Variants in SLCO3A1 observed in about 807,000 individuals in gnomAD.
The protein encoded by SLCO3A1 is PGE1 transporter.
SLCO3A1 carries 27 observed loss-of-function variants against 63.1 expected under a neutral mutation model. The observed-to-expected ratio is 0.43, with a 90% CI of 0.32 to 0.59. SLCO3A1 has a LOEUF of 0.59. Among genes scored for constraint, SLCO3A1 ranks in the 20% least tolerant of loss-of-function variants. The pLI, the probability that SLCO3A1 is intolerant of heterozygous loss-of-function variation, is 0.09. For synonymous variants in SLCO3A1, 473 were observed against 409.9 expected, an observed-to-expected ratio of 1.15 and a Z score of -1.86; for missense variants, 773 against 945.8, an observed-to-expected ratio of 0.82 and a Z score of 2.40.
intron 2 of SLCO3A1, among the ~76,000 whole-genome samples, chr15:91,977,979 C>T (rs1250849042): frequency 6.6e-6 from 1 of 152,176 alleles, no homozygotes; most frequent in Non-Finnish European, 1.5e-5. Context: ...ACTGAGTAGG[C>T]ACTCAGTAAA....
intron 2 of SLCO3A1, among the ~76,000 whole-genome samples, chr15:92,018,044 A>G (rs1008538432): frequency 1.3e-5 from 2 of 152,114 alleles, no homozygotes; most frequent in Non-Finnish European, 2.9e-5. Context: ...GATGACAGAG[A>G]TGGAACGCAG....
At chr15:92,074,756 T>A (rs1461283212) in intron 2 of SLCO3A1, among the ~76,000 whole-genome samples, 2 of 138,826 alleles carry the variant, frequency 1.4e-5, no homozygotes, top group Non-Finnish European at 3.1e-5. Flanking sequence ...TCTGGGAATC[T>A]CGAGAGAGCT....
At chr15:92,028,004 A>C (rs939687638) in intron 2 of SLCO3A1, among the ~76,000 whole-genome samples, 1 of 152,218 alleles carries the variant, frequency 6.6e-6, no homozygotes, top group Non-Finnish European at 1.5e-5. Flanking sequence ...AATCTGCACA[A>C]ACCATGTTGA....
Position 92,040,845 on chromosome 15 carries a change from A to T in SLCO3A1, c.647-54036A>T, listed in dbSNP as rs2151487430. 3.3e-5 allele frequency among the ~76,000 whole-genome samples: 5 copies of T among 152,264 alleles called. No individual in the cohort carries two copies. The South Asian group carries it at 1.0e-3, about 32-fold the overall frequency. On this transcript the variant is annotated intron_variant, in intron 2 of 9. Coordinates refer to ENST00000318445, the MANE Select transcript of SLCO3A1 (RefSeq NM_013272.4). Reference sequence around the variant, plus strand: ...AGTGTCTGTGGAGCTGTTTAAAATGACCATTTCCAGATGCAACGTGTAGAA... The same window carrying T: ...AGTGTCTGTGGAGCTGTTTAAAATGTCCATTTCCAGATGCAACGTGTAGAA...
rs776066293 is a variant in SLCO3A1 at position 92,128,477 on chromosome 15, C to G, written c.1500C>G (p.Gly500=). 6 of 1,613,502 alleles carry G rather than the reference C, an allele frequency of 3.7e-6. No individual in the cohort carries two copies. In the African/African-American group the frequency reaches 6.7e-5, roughly 18 times the overall value. ...CCTACCTGTCTGCCTGCTTTGCTGG[C>G]TGCAACAGCACGGTAATGGGATGGG... ...GITYLSACFA[G]CNSTNLTGCA... The change falls in exon 7 of 10, where the codon GGC becomes GGG. Residue 500 remains glycine (G), a synonymous_variant. Coordinates refer to ENST00000318445, the MANE Select transcript of SLCO3A1 (RefSeq NM_013272.4).
intron 1 of SLCO3A1, among the ~76,000 whole-genome samples, chr15:91,876,565 C>T (rs1417412113): frequency 6.6e-6 from 1 of 152,192 alleles, no homozygotes; most frequent in Non-Finnish European, 1.5e-5. Context: ...TATAATTAAG[C>T]ACAAATTAAA....
At chr15:91,946,802 A>G (rs924123319) in intron 2 of SLCO3A1, among the ~76,000 whole-genome samples, 2 of 152,198 alleles carry the variant, frequency 1.3e-5, no homozygotes, top group Non-Finnish European at 2.9e-5. Context: ...GGTAAGAGCA[A>G]ATGACTGGAG....
chr15:92,013,997 G>A (rs924468040), intron 2 of SLCO3A1, among the ~76,000 whole-genome samples: 2 of 152,064 alleles, frequency 1.3e-5, no homozygotes, highest in South Asian at 2.1e-4. Flanking sequence ...CTCCCCTCGC[G>A]TGGTCACTCC....
At chr15:91,857,713 C>A (rs529250569) in intron 1 of SLCO3A1, among the ~76,000 whole-genome samples, 2 of 152,116 alleles carry the variant, frequency 1.3e-5, no homozygotes, top group East Asian at 3.9e-4. Context: ...TGAGGGTAGC[C>A]CTGCATATAG....
At chr15:92,063,864 CA>C (rs35023190) in intron 2 of SLCO3A1, among the ~76,000 whole-genome samples, 1 of 151,976 alleles carries the variant, frequency 6.6e-6, no homozygotes, top group Non-Finnish European at 1.5e-5. Context: ...AGCAAACAAA[CA>C]AAAAAATCAT....
rs371503053 is a variant in SLCO3A1 at position 91,948,926 on chromosome 15, G to A, written c.646+32468G>A. Among the ~76,000 whole-genome samples, 1 of 145,610 alleles carries A rather than the reference G, an allele frequency of 6.9e-6. No individual in the cohort carries two copies. The highest frequency in any genetic ancestry group is 2.5e-5 in the African/African-American group (1 of 39,730). On this transcript the variant is annotated intron_variant, in intron 2 of 9. Transcript: ENST00000318445. This position sits in a 1 kb window ranked among gnomAD's most constrained non-coding sequence, Gnocchi z 4.8. ...CATCCATTTAGGAATCAATACTTTGGTTTTTTTTTTTTTACTATTATTTCT... is the reference window on the plus strand; with the variant it reads ...CATCCATTTAGGAATCAATACTTTGATTTTTTTTTTTTTACTATTATTTCT...
intron 3 of SLCO3A1, among the ~76,000 whole-genome samples, chr15:92,097,675 C>T (rs1462551262): frequency 3.3e-5 from 5 of 152,176 alleles, no homozygotes; most frequent in Admixed American, 6.5e-5. Context: ...TTTCTGTTTC[C>T]AAAGAATGCA....
chr15:91,915,944 C>G (rs1257781594), intron 1 of SLCO3A1, 49 bp from the exon 2 acceptor site: 23 of 1,500,060 alleles, frequency 1.5e-5, no homozygotes, highest in Non-Finnish European at 1.9e-5. Context: ...GAGAGGCTTC[C>G]TGGGCATCTT....
intron 2 of SLCO3A1, among the ~76,000 whole-genome samples, chr15:91,931,144 G>A (rs1051501452): frequency 5.9e-5 from 9 of 152,196 alleles, no homozygotes; most frequent in Non-Finnish European, 1.3e-4. Flanking sequence ...CCAAACCGTA[G>A]TTACTGTTAG....
chr15:92,134,805 A>G (rs118003525), intron 7 of SLCO3A1, among the ~76,000 whole-genome samples: 11 of 152,180 alleles, frequency 7.2e-5, no homozygotes, highest in African/African-American at 2.2e-4. Context: ...TTAGGTTCTA[A>G]AAGAGGGAAG....
At chr15:91,867,937 G>A (rs1237822469) in intron 1 of SLCO3A1, among the ~76,000 whole-genome samples, 3 of 152,228 alleles carry the variant, frequency 2.0e-5, no homozygotes, top group East Asian at 1.9e-4. Flanking sequence ...GTGGCCGGCC[G>A]ATCCAAGCGC....
At chr15:92,057,146 A>T (rs566375209) in intron 2 of SLCO3A1, among the ~76,000 whole-genome samples, 1 of 152,292 alleles carries the variant, frequency 6.6e-6, no homozygotes, top group South Asian at 2.1e-4. Flanking sequence ...GTCCATTCTT[A>T]GCTTTCTGTC....
chr15:91,888,898 G>C (rs557534304), intron 1 of SLCO3A1, among the ~76,000 whole-genome samples: 1 of 152,052 alleles, frequency 6.6e-6, no homozygotes, highest in South Asian at 2.1e-4. Flanking sequence ...AGCTCTAGCT[G>C]CTCAGGAGGC....
chr15:92,163,037 G>GGGA lies in SLCO3A1; in HGVS notation c.2038_2040dup (p.Arg680dup). On this transcript the variant is annotated inframe_insertion, in exon 10 of 10. Transcript: ENST00000318445. ...CTCTACTCTGACCCTAGACAACCTG[G>GGGA]GGAGGGACCCTGTGCCCGCAAACCA... is the stretch of plus-strand genomic sequence containing the variant. 1 of 1,597,500 alleles carries GGGA rather than the reference G, an allele frequency of 6.3e-7. No individual in the cohort carries two copies. The highest frequency in any genetic ancestry group is 8.5e-7 in the Non-Finnish European group (1 of 1,171,338).
Sources: allele counts gnomAD v4.1 joint callset (sites outside exome capture counted in the v4.1 genomes callset), GRCh38; gene constraint gnomAD v4.1.1; non-coding constraint Gnocchi (gnomAD v3.1); transcripts MANE v1.5; gene names NCBI Gene and HGNC (gene_info 2026-07-23, HGNC 2026-07-21).